Variants in GAD2 observed in about 807,000 individuals in gnomAD.
The protein encoded by GAD2 is 65 kDa glutamic acid decarboxylase.
GAD2 carries 22 observed loss-of-function variants against 80.1 expected under a neutral mutation model. The observed-to-expected ratio is 0.27, with a 90% CI of 0.20 to 0.39. GAD2 has a LOEUF of 0.39. Among genes scored for constraint, GAD2 ranks in the 10% least tolerant of loss-of-function variants. GAD2 has a pLI of 1.00. For synonymous variants in GAD2, 274 were observed against 256.9 expected, an observed-to-expected ratio of 1.07 and a Z score of -0.64; for missense variants, 624 against 738.4, an observed-to-expected ratio of 0.85 and a Z score of 1.80.
At chr10:26,252,685 T>G (rs1844894176) in intron 8 of GAD2, among the ~76,000 whole-genome samples, 2 of 150,990 alleles carry the variant, frequency 1.3e-5, no homozygotes, top group Non-Finnish European at 3.0e-5. Context: ...GACGGAATCT[T>G]GCTCTTGTTG....
chr10:26,222,191 C>A (rs1040999311), intron 4 of GAD2, among the ~76,000 whole-genome samples: 3 of 152,026 alleles, frequency 2.0e-5, no homozygotes, highest in African/African-American at 7.3e-5. Context: ...AGCGTCAAAC[C>A]TGTTTTCACT....
chr10:26,292,416 C>G, intron 13 of GAD2, 49 bp from the exon 14 acceptor site: 1 of 1,398,758 alleles, frequency 7.1e-7, no homozygotes. Flanking sequence ...GAAATCGCTT[C>G]CTCCGCACTC....
At chr10:26,287,679 T>G (rs1472081854) in intron 13 of GAD2, among the ~76,000 whole-genome samples, 1 of 152,204 alleles carries the variant, frequency 6.6e-6, no homozygotes, top group South Asian at 2.1e-4. Flanking sequence ...TGCAGTCTTA[T>G]GTGACAGTTT....
intron 13 of GAD2, among the ~76,000 whole-genome samples, chr10:26,291,144 C>G (rs536430693): frequency 1.5e-4 from 23 of 152,332 alleles, no homozygotes; most frequent in African/African-American, 5.5e-4. Context: ...CATGCCATAT[C>G]CTAGATCAGA....
chr10:26,228,734 G>A (rs1001238609), intron 6 of GAD2, among the ~76,000 whole-genome samples: 6 of 152,136 alleles, frequency 3.9e-5, no homozygotes, highest in African/African-American at 9.7e-5. Context: ...TGCTCCTTAC[G>A]AGAATCCAAT....
At chr10:26,235,134 A>C (rs925629405) in intron 7 of GAD2, among the ~76,000 whole-genome samples, 4 of 152,208 alleles carry the variant, frequency 2.6e-5, no homozygotes, top group Non-Finnish European at 5.9e-5. Context: ...TTGGCCTTCC[A>C]AAGTTCTGGG....
In GAD2 at chr10:26,245,914, T is replaced by G; in HGVS notation, c.841-7T>G. 2 of 1,608,138 alleles carry G rather than the reference T, an allele frequency of 1.2e-6. No individual in the cohort carries two copies. The highest frequency in any genetic ancestry group is 2.2e-5 in the East Asian group (1 of 44,820). On this transcript the variant is annotated splice_region_variant and splice_polypyrimidine_tract_variant and intron_variant, in intron 7 of 15. Coordinates refer to ENST00000376261, the MANE Select transcript of GAD2 (RefSeq NM_001134366.2). Reference sequence around the variant, plus strand: ...ACTAATTGCAAATATATATATTTTTTTTACAGAGTCATTTTTCTCTCAAGA... The same window carrying G: ...ACTAATTGCAAATATATATATTTTTGTTACAGAGTCATTTTTCTCTCAAGA...
chr10:26,233,888 G>A (rs59673045), intron 7 of GAD2, among the ~76,000 whole-genome samples: 228 of 152,284 alleles, frequency 1.5e-3, no homozygotes, highest in African/African-American at 5.2e-3. Flanking sequence ...GACAGACGCT[G>A]CTTCGGGTGT....
intron 9 of GAD2, among the ~76,000 whole-genome samples, chr10:26,270,117 A>G (rs1845117486): frequency 6.6e-6 from 1 of 152,176 alleles, no homozygotes; most frequent in Non-Finnish European, 1.5e-5. Context: ...GACTAGTTAG[A>G]CGGATAAAAG....
chr10:26,277,908 C>G (rs1266686920), intron 11 of GAD2, among the ~76,000 whole-genome samples: 15 of 152,038 alleles, frequency 9.9e-5, no homozygotes, highest in Admixed American at 9.2e-4. Context: ...CTGCGGGATT[C>G]AGTTCTCTCC....
chr10:26,249,524 G>A (rs567154689), intron 8 of GAD2, among the ~76,000 whole-genome samples: 6 of 152,388 alleles, frequency 3.9e-5, no homozygotes, highest in African/African-American at 1.2e-4. Context: ...CTAGAGGGCC[G>A]TGGCCCGCTG....
intron 7 of GAD2, 26 bp from the exon 8 acceptor site, chr10:26,245,895 T>C: frequency 6.4e-7 from 1 of 1,568,106 alleles, no homozygotes; most frequent in Non-Finnish European, 8.8e-7. Context: ...TGGAACTAAT[T>C]GCAAATATAT....
chr10:26,283,863 G>A (rs577684748), intron 12 of GAD2, among the ~76,000 whole-genome samples: 2 of 152,184 alleles, frequency 1.3e-5, no homozygotes, highest in Non-Finnish European at 2.9e-5. Flanking sequence ...CCTACCGACT[G>A]GCAATTTGAT....
chr10:26,280,754 T>C (rs950802101), intron 11 of GAD2, among the ~76,000 whole-genome samples: 2 of 152,256 alleles, frequency 1.3e-5, no homozygotes, highest in East Asian at 3.9e-4. Context: ...AAAAATTACC[T>C]ATTGAGTACA....
intron 9 of GAD2, 65 bp downstream of exon 9, chr10:26,269,238 G>A: frequency 7.3e-7 from 1 of 1,366,796 alleles, no homozygotes; most frequent in Non-Finnish European, 1.0e-6. Context: ...AGAACAAAAT[G>A]TGTTTTGGTT....
At chr10:26,250,030 T>TG in intron 8 of GAD2, among the ~76,000 whole-genome samples, 2 of 149,090 alleles carry the variant, frequency 1.3e-5, no homozygotes, top group East Asian at 3.9e-4. Flanking sequence ...TTTCAACAAT[T>TG]TTTTTTTTTT....
At chr10:26,285,511 T>C (rs532610207) in intron 12 of GAD2, among the ~76,000 whole-genome samples, 1 of 152,248 alleles carries the variant, frequency 6.6e-6, no homozygotes, top group African/African-American at 2.4e-5. Context: ...GTGAAGAGAC[T>C]GTCGATACTA....
At chr10:26,233,451 G>A (rs1304164047) in intron 7 of GAD2, among the ~76,000 whole-genome samples, 2 of 152,132 alleles carry the variant, frequency 1.3e-5, no homozygotes, top group Non-Finnish European at 2.9e-5. Flanking sequence ...AAGCCGTCCT[G>A]CATCTTCTTG....
rs1200436014 is a variant in GAD2, at chr10:26,217,089, G to C, written c.76+204G>C. On this transcript the variant is annotated intron_variant, in intron 1 of 15. Transcript: ENST00000376261. This position sits in a 1 kb window ranked among gnomAD's most constrained non-coding sequence, Gnocchi z 4.9. ...TGTACCCTGGGAAGACGCCCAAATA[G>C]TCTCAGGCCCGTTCCACAGAAGGTT... Among the ~76,000 whole-genome samples, 1 of 152,038 alleles carries C rather than the reference G, an allele frequency of 6.6e-6. No homozygotes were observed. The highest frequency in any genetic ancestry group is 2.1e-4 in the South Asian group (1 of 4,804).
Sources: gnomAD v4.1 joint callset for allele counts (sites outside exome capture counted in the v4.1 genomes callset) on GRCh38, gnomAD v4.1.1 for gene constraint, Gnocchi (gnomAD v3.1) non-coding constraint, MANE v1.5 for transcripts, NCBI Gene and HGNC (gene_info 2026-07-23, HGNC 2026-07-21) for gene names.